The following AGXT2 variants were observed in gnomAD, a reference collection of about 807,000 sequenced individuals.
AGXT2 encodes the protein alanine--glyoxylate aminotransferase 2, also known as alanine--glyoxylate aminotransferase 2, mitochondrial.
In AGXT2, 61 loss-of-function variants were observed where a neutral mutation model predicts 62.5. That is an observed-to-expected ratio of 0.98 (90% CI 0.79 to 1.21). The LOEUF is 1.21. Ranked by LOEUF, AGXT2 falls within the 50% of genes most tolerant of loss-of-function variation. The probability of loss-of-function intolerance (pLI) is 0.00; values close to 1 mark genes in which losing one functional copy is unlikely to be tolerated. For synonymous variants in AGXT2, 243 were observed against 218.7 expected, an observed-to-expected ratio of 1.11 and a Z score of -0.98; for missense variants, 666 against 641.5, an observed-to-expected ratio of 1.04 and a Z score of -0.41.
chr5:35,028,600 AG>A (rs531243886), intron 7 of AGXT2, among the ~76,000 whole-genome samples: 2,346 of 100,140 alleles, frequency 0.023, 133 homozygotes, highest in African/African-American at 0.046. Context: ...AGAGAGAGAG[AG>A]AGAGAGAGAG....
intron 9 of AGXT2, among the ~76,000 whole-genome samples, chr5:35,018,099 G>A (rs1460495150): frequency 1.3e-5 from 2 of 152,180 alleles, no homozygotes; most frequent in African/African-American, 2.4e-5. Context: ...ACGTCTGATT[G>A]GTGTACCTGA....
intron 13 of AGXT2, among the ~76,000 whole-genome samples, chr5:34,999,618 A>G (rs544948354): frequency 6.6e-6 from 1 of 152,118 alleles, no homozygotes; most frequent in Admixed American, 6.5e-5. Flanking sequence ...GGTCACCCCA[A>G]CTTTTCTTGT....
At chr5:35,028,609 GAGAGAGAGAGAAA>G (rs755979517) in intron 7 of AGXT2, among the ~76,000 whole-genome samples, 6,915 of 62,286 alleles carry the variant, frequency 0.11, 860 homozygotes, top group Admixed American at 0.15. Flanking sequence ...GAGAGAGAGA[GAGAGAGAGAGAAA>G]TTCTTCTACT....
rs778628959 is a variant in AGXT2 at position 35,035,236 on chromosome 5, G to A, written c.567C>T (p.Asp189=). The A allele has an allele frequency of 3.1e-6, 5 of 1,613,910 alleles. No homozygotes were observed. In the South Asian group the frequency reaches 5.5e-5, roughly 18 times the overall value. ...GTTGTGATTACCTGAAAGAAATGAT[G>A]TCTATGTTGTTTGAGTGCGCCCTGG... ...LMARAHSNNI[D]IISFRGAYHG... Residue 189 remains aspartate (D), a synonymous_variant, in exon 5 of 14, where the codon GAC becomes GAT. Transcript: ENST00000231420.
chr5:35,040,799 G>C, intron 1 of AGXT2, 136 bp from the exon 2 acceptor site: 4 of 750,804 alleles, frequency 5.3e-6, no homozygotes, highest in Non-Finnish European at 9.4e-6. Context: ...TCAGCTTTTA[G>C]TTTGGATTTA....
intron 1 of AGXT2, among the ~76,000 whole-genome samples, chr5:35,043,041 G>T (rs1341978586): frequency 6.6e-6 from 1 of 152,164 alleles, no homozygotes; most frequent in Admixed American, 6.5e-5. Context: ...TGCCAAGTGG[G>T]TAACTAGTGA....
At chr5:35,041,963 T>C (rs1263872822) in intron 1 of AGXT2, among the ~76,000 whole-genome samples, 10 of 152,178 alleles carry the variant, frequency 6.6e-5, no homozygotes, top group Non-Finnish European at 1.3e-4. Flanking sequence ...ATAGCTTTAG[T>C]TTTCTGAGAA....
At chr5:35,033,345 CT>C (rs1239381106) in intron 6 of AGXT2, 114 bp downstream of exon 6, 5 of 848,816 alleles carry the variant, frequency 5.9e-6, no homozygotes, top group Non-Finnish European at 9.8e-6. Context: ...AATTGAGCCC[CT>C]GATTAATGAC....
At chr5:35,004,812 C>T (rs1766363895) in intron 12 of AGXT2, among the ~76,000 whole-genome samples, 1 of 152,300 alleles carries the variant, frequency 6.6e-6, no homozygotes, top group South Asian at 2.1e-4. Context: ...CACCCTCAGT[C>T]TGGGCTTTGC....
intron 1 of AGXT2, 130 bp downstream of exon 1, chr5:35,047,675 A>G (rs550330444): frequency 3.3e-6 from 4 of 1,229,426 alleles, no homozygotes; most frequent in Middle Eastern, 2.9e-4. Context: ...CTGTGTGTCA[A>G]AAACATGCCT....
At chr5:35,043,839 T>C (rs985744734) in intron 1 of AGXT2, among the ~76,000 whole-genome samples, 13 of 152,152 alleles carry the variant, frequency 8.5e-5, no homozygotes, top group South Asian at 4.1e-4. Flanking sequence ...CATAGGGGCA[T>C]GCCACCACAC....
intron 9 of AGXT2, among the ~76,000 whole-genome samples, chr5:35,022,675 CAA>C (rs1303158286): frequency 2.1e-5 from 3 of 145,478 alleles, no homozygotes; most frequent in Non-Finnish European, 4.5e-5. Flanking sequence ...TATACATATG[CAA>C]CTAACCTGCA....
intron 9 of AGXT2, among the ~76,000 whole-genome samples, chr5:35,023,302 A>G (rs544827857): frequency 6.6e-6 from 1 of 152,334 alleles, no homozygotes; most frequent in East Asian, 1.9e-4. Context: ...GGCATACTAT[A>G]GAACAGTTGA....
Position 35,024,185 on chromosome 5 carries a change from G to A in AGXT2, c.963+1578C>T, listed in dbSNP as rs116355103. ...TGGGATGACAGATGTGAGCCACTGC[G>A]CCCAACCTAGCTGTAGGAAATTTTT... On this transcript the variant is annotated intron_variant, in intron 9 of 13. Coordinates refer to ENST00000231420, the MANE Select transcript of AGXT2 (RefSeq NM_031900.4). 6.8e-3 allele frequency among the ~76,000 whole-genome samples: 1,035 copies of A among 152,226 alleles called. 16 individuals are homozygous for A. Among genetic ancestry groups the A allele is most frequent in the African/African-American group, 0.023 (957 of 41,518 alleles).
chr5:35,030,104 CA>C (rs1767505625), intron 7 of AGXT2, among the ~76,000 whole-genome samples: 1 of 152,202 alleles, frequency 6.6e-6, no homozygotes, highest in South Asian at 2.1e-4. Flanking sequence ...CAGCAAAGAC[CA>C]AACCCTTCCC....
intron 1 of AGXT2, among the ~76,000 whole-genome samples, chr5:35,043,805 C>T (rs1768082118): frequency 6.6e-6 from 1 of 152,202 alleles, no homozygotes; most frequent in Non-Finnish European, 1.5e-5. Context: ...ATCCTTCTAT[C>T]TCAGCCTCCT....
At chr5:35,035,429 C>G in intron 4 of AGXT2, 113 bp from the exon 5 acceptor site, 1 of 850,528 alleles carries the variant, frequency 1.2e-6, no homozygotes, top group Non-Finnish European at 2.0e-6. Context: ...GAGTTCCCTT[C>G]AGACCAGCTC....
At chr5:35,016,734 C>A (rs939979389) in intron 9 of AGXT2, among the ~76,000 whole-genome samples, 2 of 152,170 alleles carry the variant, frequency 1.3e-5, no homozygotes, top group African/African-American at 4.8e-5. Context: ...GCAAGTGGTA[C>A]AAGCTTTGGA....
chr5:34,998,448 A>G lies in AGXT2; in HGVS notation c.*271T>C. On this transcript the variant is annotated 3_prime_UTR_variant, in exon 14 of 14. Transcript: ENST00000231420. ...TATTCATGCATAAACCAATCACTGCAAAGGGGAATCAAATTACCATACCTA... is the reference window on the plus strand; with the variant it reads ...TATTCATGCATAAACCAATCACTGCGAAGGGGAATCAAATTACCATACCTA... The G allele has an allele frequency of 3.9e-6, 2 of 518,776 alleles. No homozygotes were observed. The highest frequency in any genetic ancestry group is 7.0e-6 in the Non-Finnish European group (2 of 287,470). The allele number at this position is 518,776 out of a possible 1,614,324, so 32.1% of individuals were successfully genotyped here.
Sources: allele counts gnomAD v4.1 joint callset (sites outside exome capture counted in the v4.1 genomes callset), GRCh38; gene constraint gnomAD v4.1.1; transcripts MANE v1.5; gene names NCBI Gene and HGNC (gene_info 2026-07-23, HGNC 2026-07-21).